The following NRG3 variants were observed in gnomAD, a reference collection of about 807,000 sequenced individuals.
NRG3 encodes neuregulin 3.
Under a neutral mutation model 66.9 loss-of-function variants are expected in NRG3, and 31 were observed. The observed-to-expected ratio is 0.46, with a 90% confidence interval of 0.35 to 0.63. The LOEUF (loss-of-function observed/expected upper bound fraction) is 0.63. Ranked by LOEUF, NRG3 falls within the 20% of genes least tolerant of loss-of-function variation. NRG3 has a pLI of 0.00. For missense variants in NRG3, 910 were observed against 878.9 expected (o/e 1.04, Z -0.45); for synonymous variants, 393 against 359.4 (o/e 1.09, Z -1.06).
intron 2 of NRG3, among the ~76,000 whole-genome samples, chr10:82,510,471 G>C (rs1372940855): frequency 6.6e-6 from 1 of 152,190 alleles, no homozygotes; most frequent in Non-Finnish European, 1.5e-5. Flanking sequence ...GATGGTTTCA[G>C]TCCAGGTCTT....
chr10:82,203,939 CT>C (rs1340886852), intron 1 of NRG3, among the ~76,000 whole-genome samples: 2 of 151,870 alleles, frequency 1.3e-5, no homozygotes, highest in Non-Finnish European at 2.9e-5. Flanking sequence ...TTCATTATGA[CT>C]TTTTTTTGGT....
At chr10:82,906,791 A>G (rs1415681663) in intron 4 of NRG3, among the ~76,000 whole-genome samples, 1 of 152,182 alleles carries the variant, frequency 6.6e-6, no homozygotes, top group Non-Finnish European at 1.5e-5. Context: ...AGGGTGAAGC[A>G]TATAAAATCA....
chr10:82,074,882 AG>A (rs2065005746), intron 1 of NRG3, among the ~76,000 whole-genome samples: 1 of 152,138 alleles, frequency 6.6e-6, no homozygotes, highest in Non-Finnish European at 1.5e-5. Flanking sequence ...TCATAAATTC[AG>A]CCACATTGTC....
chr10:82,072,639 A>G (rs1334279671), intron 1 of NRG3, among the ~76,000 whole-genome samples: 1 of 152,152 alleles, frequency 6.6e-6, no homozygotes, highest in East Asian at 1.9e-4. Flanking sequence ...TGCTGAAAGT[A>G]CATACACAAG....
chr10:82,358,940 A>G, intron 2 of NRG3, 72 bp downstream of exon 2: 13 of 1,600,894 alleles, frequency 8.1e-6, no homozygotes, highest in Non-Finnish European at 1.1e-5. Context: ...TGCTGGCAGC[A>G]TCTGGTATGT....
chr10:82,305,559 C>A (rs1327152122), intron 1 of NRG3, among the ~76,000 whole-genome samples: 1 of 151,814 alleles, frequency 6.6e-6, no homozygotes, highest in Non-Finnish European at 1.5e-5. Flanking sequence ...TACTCAGACT[C>A]CTTTGGTTTC....
intron 3 of NRG3, among the ~76,000 whole-genome samples, chr10:82,790,999 G>T (rs1392123726): frequency 2.0e-5 from 3 of 151,454 alleles, no homozygotes; most frequent in African/African-American, 7.3e-5. Flanking sequence ...TAATTATTTA[G>T]ATATGAAGTC....
chr10:82,418,559 TTA>T (rs1245475077), intron 2 of NRG3, among the ~76,000 whole-genome samples: 9 of 151,404 alleles, frequency 5.9e-5, no homozygotes, highest in African/African-American at 2.2e-4. Flanking sequence ...AGTTATGACA[TTA>T]TGTTATTTGT....
At chr10:82,644,194 C>T (rs1404043490) in intron 2 of NRG3, among the ~76,000 whole-genome samples, 1 of 152,078 alleles carries the variant, frequency 6.6e-6, no homozygotes, top group Non-Finnish European at 1.5e-5. Context: ...CCTGTGTTTT[C>T]AGCTCACCCC....
intron 2 of NRG3, among the ~76,000 whole-genome samples, chr10:82,728,421 C>A (rs541085451): frequency 6.6e-6 from 1 of 152,112 alleles, no homozygotes; most frequent in Non-Finnish European, 1.5e-5. Context: ...TCACAAGATC[C>A]GATGGTTTAA....
At chr10:82,131,747 A>C (rs2434066) in intron 1 of NRG3, among the ~76,000 whole-genome samples, 130,040 of 152,030 alleles carry the variant, frequency 0.86, 56,126 homozygotes, top group African/African-American at 0.95. Flanking sequence ...AGATAACTTT[A>C]ATTTCTTTGG....
At chr10:82,366,428 C>T (rs2135692669) in intron 2 of NRG3, among the ~76,000 whole-genome samples, 1 of 152,268 alleles carries the variant, frequency 6.6e-6, no homozygotes, top group South Asian at 2.1e-4. Context: ...ATTCTCAGGA[C>T]TCAGAATTCC....
intron 2 of NRG3, among the ~76,000 whole-genome samples, chr10:82,480,140 C>A (rs7070373): frequency 0.57 from 86,194 of 152,136 alleles, 28,356 homozygotes; most frequent in South Asian, 0.77. Flanking sequence ...TAAGAAAGGT[C>A]AAAAATTCAC....
intron 4 of NRG3, among the ~76,000 whole-genome samples, chr10:82,885,934 C>T (rs540262371): frequency 2.6e-5 from 4 of 151,986 alleles, no homozygotes; most frequent in African/African-American, 7.3e-5. Context: ...TGCAAGGGTC[C>T]GATCTCGGCT....
intron 1 of NRG3, among the ~76,000 whole-genome samples, chr10:82,234,121 C>T (rs184684172): frequency 6.6e-6 from 1 of 152,344 alleles, no homozygotes; most frequent in Admixed American, 6.5e-5. Flanking sequence ...ATGAAACATG[C>T]AAACCTTACC....
chr10:82,234,949 G>T (rs1339784551), intron 1 of NRG3, among the ~76,000 whole-genome samples: 1 of 152,172 alleles, frequency 6.6e-6, no homozygotes, highest in African/African-American at 2.4e-5. Context: ...TCTTATTTTG[G>T]CAGAAACACT....
At position 81,924,690 on chromosome 10, in the gene NRG3, G is replaced by A. The variant is rs1017474917; in HGVS notation, c.823+48527G>A. 2.8e-4 allele frequency among the ~76,000 whole-genome samples: 43 copies of A among 152,256 alleles called. 1 individual carries two copies. Among genetic ancestry groups the A allele is most frequent in the Admixed American group, 2.6e-4 (4 of 15,294 alleles). On this transcript the variant is annotated intron_variant, in intron 1 of 8. Transcript: ENST00000372141. ...CTAGACCATCGTTCGAATTAATTTC[G>A]TTAGCCAAAGTTTTAGGCCTTTTGT...
At chr10:82,549,062 C>T (rs2044129269) in intron 2 of NRG3, among the ~76,000 whole-genome samples, 1 of 152,142 alleles carries the variant, frequency 6.6e-6, no homozygotes, top group Non-Finnish European at 1.5e-5. Flanking sequence ...CAGTGCTGAG[C>T]TCATACCTTC....
chr10:82,776,586 T>C (rs1334150969), intron 3 of NRG3, among the ~76,000 whole-genome samples: 1 of 152,128 alleles, frequency 6.6e-6, no homozygotes, highest in African/African-American at 2.4e-5. Context: ...TAATGGTGTT[T>C]AATAAGTCCC....
Sources: gnomAD v4.1 joint callset for allele counts (sites outside exome capture counted in the v4.1 genomes callset) on GRCh38, gnomAD v4.1.1 for gene constraint, MANE v1.5 for transcripts, NCBI Gene and HGNC (gene_info 2026-07-23, HGNC 2026-07-21) for gene names.